FGF14: variants seen among roughly 807,000 people sequenced by gnomAD.
FGF14 encodes fibroblast growth factor homologous factor 4.
In FGF14, 5 loss-of-function variants were observed where a neutral mutation model predicts 25.5. That is an observed-to-expected ratio of 0.20 (90% CI 0.10 to 0.41). FGF14 has a LOEUF of 0.41. Ranked by LOEUF, FGF14 falls within the 10% of genes least tolerant of loss-of-function variation. The pLI is 1.00. For missense variants in FGF14, 222 were observed against 320.1 expected (o/e 0.69, Z 2.34); for synonymous variants, 138 against 118.3 (o/e 1.17, Z -1.08).
At chr13:102,252,067 C>A (rs185933366) in intron 1 of FGF14, among the ~76,000 whole-genome samples, 2 of 152,302 alleles carry the variant, frequency 1.3e-5, no homozygotes, top group East Asian at 3.9e-4. Context: ...TGCGGCTAAT[C>A]TAATCTATCT....
chr13:101,724,597 A>T (rs891301903), intron 4 of FGF14, among the ~76,000 whole-genome samples: 3 of 121,286 alleles, frequency 2.5e-5, no homozygotes, highest in African/African-American at 9.2e-5. Flanking sequence ...ATAATAATAA[A>T]ATATATATAT....
At chr13:102,248,464 G>C (rs2051996741) in intron 1 of FGF14, among the ~76,000 whole-genome samples, 1 of 152,070 alleles carries the variant, frequency 6.6e-6, no homozygotes, top group African/African-American at 2.4e-5. Context: ...TCTTATTTGA[G>C]ATATTCAAGA....
At chr13:101,802,060 T>A (rs1034901441) in intron 3 of FGF14, 13 of 348,058 alleles carry the variant, frequency 3.7e-5, no homozygotes, top group Non-Finnish European at 7.4e-5. Context: ...ATAAATCTGA[T>A]AAAATGGCAA....
chr13:101,949,068 G>A (rs777449635), intron 1 of FGF14, among the ~76,000 whole-genome samples: 1 of 152,116 alleles, frequency 6.6e-6, no homozygotes, highest in Non-Finnish European at 1.5e-5. Flanking sequence ...AACAGGAACT[G>A]GGTGATGAAC....
intron 3 of FGF14, among the ~76,000 whole-genome samples, chr13:101,753,998 A>G (rs2037477062): frequency 6.6e-6 from 1 of 152,202 alleles, no homozygotes; most frequent in Non-Finnish European, 1.5e-5. Context: ...AAAACAAAGT[A>G]AGAAAGCGGC....
chr13:101,754,436 C>T (rs549408793), intron 3 of FGF14, among the ~76,000 whole-genome samples: 13 of 152,168 alleles, frequency 8.5e-5, no homozygotes, highest in African/African-American at 3.1e-4. Context: ...TTCATTTTAA[C>T]AATAACAAAT....
chr13:102,005,033 C>T (rs1192354212), intron 1 of FGF14, among the ~76,000 whole-genome samples: 1 of 152,172 alleles, frequency 6.6e-6, no homozygotes, highest in Non-Finnish European at 1.5e-5. Context: ...AACACACAGG[C>T]ATTTATGTGG....
chr13:102,153,131 C>G (rs146293017), intron 1 of FGF14, among the ~76,000 whole-genome samples: 134 of 152,200 alleles, frequency 8.8e-4, no homozygotes, highest in Non-Finnish European at 1.5e-3. Flanking sequence ...TAGGACAGAG[C>G]TTTTGTAGAC....
rs34628929 is a variant in FGF14 at position 101,721,858 on chromosome 13, C to CTTTTTT, written c.*967_*972dup. The CTTTTTT allele has an allele frequency of 6.9e-6, 1 of 144,750 alleles. No homozygotes were observed. The allele number at this position is 144,750 out of a possible 1,614,324, so 9.0% of individuals were successfully genotyped here. A position where few individuals can be genotyped will look rare whatever the true frequency, so the allele number is the denominator to read the frequency against. On this transcript the variant is annotated 3_prime_UTR_variant, in exon 5 of 5. Coordinates refer to ENST00000376143, the MANE Select transcript of FGF14 (RefSeq NM_004115.4). ...TTGTAGGTTATAATTACTGATTTTCCTTTTTTTTTTTTTCCAAATAATGAG... is the reference window on the plus strand; with the variant it reads ...TTGTAGGTTATAATTACTGATTTTCCTTTTTTTTTTTTTTTTTTTCCAAATAATGAG...
At chr13:102,389,727 C>T (rs2058387597) in intron 1 of FGF14, among the ~76,000 whole-genome samples, 1 of 152,206 alleles carries the variant, frequency 6.6e-6, no homozygotes, top group African/African-American at 2.4e-5. Context: ...TTACAGACCA[C>T]TGAGCAATGA....
chr13:101,800,027 C>T (rs1372089307), intron 3 of FGF14, among the ~76,000 whole-genome samples: 1 of 152,076 alleles, frequency 6.6e-6, no homozygotes, highest in African/African-American at 2.4e-5. Context: ...ATGTTCCCTA[C>T]CTACTTCTCC....
At chr13:102,037,423 T>C (rs2041528864) in intron 1 of FGF14, among the ~76,000 whole-genome samples, 1 of 152,050 alleles carries the variant, frequency 6.6e-6, no homozygotes, top group South Asian at 2.1e-4. Flanking sequence ...GCCAGCAAAA[T>C]TGCATCACTC....
intron 1 of FGF14, among the ~76,000 whole-genome samples, chr13:101,960,159 G>A (rs138875707): frequency 1.1e-3 from 167 of 152,206 alleles, no homozygotes; most frequent in African/African-American, 3.9e-3. Flanking sequence ...AAGCATATAA[G>A]CTGGCCTTGA....
intron 3 of FGF14, among the ~76,000 whole-genome samples, chr13:101,764,667 C>T (rs748966210): frequency 4.6e-5 from 7 of 152,158 alleles, no homozygotes; most frequent in East Asian, 3.9e-4. Flanking sequence ...CTATCCCATA[C>T]GATGTAGGCT....
At chr13:101,875,044 T>C in intron 2 of FGF14, 142 bp downstream of exon 2, 1 of 695,436 alleles carries the variant, frequency 1.4e-6, no homozygotes, top group Non-Finnish European at 2.7e-6. Context: ...TTAAATAAAA[T>C]TGTAAATGGC....
chr13:102,194,319 A>C (rs12866112), intron 1 of FGF14, among the ~76,000 whole-genome samples: 1 of 152,028 alleles, frequency 6.6e-6, no homozygotes, highest in African/African-American at 2.4e-5. Context: ...CAGGACGTGC[A>C]GGTTTGTTAC....
At chr13:102,113,254 C>G (rs1484738508) in intron 1 of FGF14, among the ~76,000 whole-genome samples, 1 of 152,184 alleles carries the variant, frequency 6.6e-6, no homozygotes, top group Non-Finnish European at 1.5e-5. Context: ...AGAGGAACCA[C>G]CTTCCTGATT....
chr13:101,972,384 G>A (rs760288438), intron 1 of FGF14, among the ~76,000 whole-genome samples: 2 of 152,168 alleles, frequency 1.3e-5, no homozygotes, highest in Admixed American at 6.5e-5. Context: ...TTGTAGTTAC[G>A]TGAGAATTGG....
At chr13:102,074,526 T>C (rs927676714) in intron 1 of FGF14, among the ~76,000 whole-genome samples, 2 of 152,296 alleles carry the variant, frequency 1.3e-5, no homozygotes, top group African/African-American at 4.8e-5. Context: ...GTAAACAAGA[T>C]AGATTTAGTT....
Sources: gnomAD v4.1 joint callset for allele counts (sites outside exome capture counted in the v4.1 genomes callset) on GRCh38, gnomAD v4.1.1 for gene constraint, MANE v1.5 for transcripts, NCBI Gene and HGNC (gene_info 2026-07-23, HGNC 2026-07-21) for gene names.